COL19A1: variants seen among roughly 807,000 people sequenced by gnomAD.
The protein encoded by COL19A1 is collagen alpha-1(XIX) chain.
In COL19A1, 159 loss-of-function variants were observed where a neutral mutation model predicts 190.2. The observed-to-expected ratio is 0.84, with a 90% CI of 0.73 to 0.95. The LOEUF is 0.95. Ranked by LOEUF, COL19A1 falls within the 40% of genes least tolerant of loss-of-function variation. COL19A1 has a pLI of 0.00. For synonymous variants in COL19A1, 509 were observed against 458.9 expected (o/e 1.11, Z -1.39); for missense variants, 1,418 against 1,431.9 (o/e 0.99, Z 0.16).
At chr6:70,176,232 G>C (rs1299798948) in intron 41 of COL19A1, among the ~76,000 whole-genome samples, 1 of 152,128 alleles carries the variant, frequency 6.6e-6, no homozygotes, top group African/African-American at 2.4e-5. Flanking sequence ...AAGTATGTAA[G>C]GGGACATTAA....
chr6:69,898,789 C>T (rs1769962669), intron 2 of COL19A1, among the ~76,000 whole-genome samples, 159 bp from the exon 3 acceptor site: 3 of 152,196 alleles, frequency 2.0e-5, no homozygotes, highest in South Asian at 4.1e-4. Flanking sequence ...ATGTAACCCT[C>T]ACAAAAACAC....
At chr6:69,895,237 T>C (rs984866613) in intron 2 of COL19A1, among the ~76,000 whole-genome samples, 13 of 152,064 alleles carry the variant, frequency 8.5e-5, no homozygotes, top group Non-Finnish European at 1.5e-4. Flanking sequence ...AAAAAGGCCA[T>C]GAAAAGTCTC....
chr6:70,163,512 T>C, intron 36 of COL19A1, 116 bp downstream of exon 36: 2 of 888,888 alleles, frequency 2.3e-6, no homozygotes, highest in Non-Finnish European at 1.7e-6. Flanking sequence ...GAAATGATGG[T>C]AGAAAGTACC....
At chr6:70,146,633 AT>A in intron 25 of COL19A1, 25 bp from the exon 26 acceptor site, 1 of 1,580,102 alleles carries the variant, frequency 6.3e-7, no homozygotes, top group South Asian at 1.1e-5. Context: ...AGAAGAAGAT[AT>A]GTATTCATAC....
intron 11 of COL19A1, among the ~76,000 whole-genome samples, chr6:70,001,469 A>G (rs780586965): frequency 1.3e-5 from 2 of 152,118 alleles, no homozygotes; most frequent in Non-Finnish European, 2.9e-5. Flanking sequence ...CAGTATGGCC[A>G]TTTTCACGAT....
chr6:69,910,635 G>C (rs1770850414), intron 4 of COL19A1, among the ~76,000 whole-genome samples: 2 of 152,146 alleles, frequency 1.3e-5, no homozygotes, highest in African/African-American at 2.4e-5. Flanking sequence ...ACTTGGGCCA[G>C]TCTAATAGGC....
intron 15 of COL19A1, among the ~76,000 whole-genome samples, chr6:70,093,635 T>C (rs1783063503): frequency 6.6e-6 from 1 of 152,120 alleles, no homozygotes. Context: ...TTACAAAATC[T>C]GACTTGGTAG....
rs138667214 is a variant in COL19A1 at position 70,006,581 on chromosome 6, C to T, written c.1027-17046C>T. Among the ~76,000 whole-genome samples the T allele has an allele frequency of 4.7e-3, 713 of 152,202 alleles. 8 individuals are homozygous for T. Among genetic ancestry groups the T allele is most frequent in the African/African-American group, 0.016 (670 of 41,534 alleles). On this transcript the variant is annotated intron_variant, in intron 11 of 50. Coordinates refer to ENST00000620364, the MANE Select transcript of COL19A1 (RefSeq NM_001858.6). Reference sequence around the variant, plus strand: ...GCCTCTGATTGCCGTTGTTTCTAGTCGGCCATCTTGGCCCCATCCAAATTT... The same window carrying T: ...GCCTCTGATTGCCGTTGTTTCTAGTTGGCCATCTTGGCCCCATCCAAATTT...
chr6:69,887,983 C>T (rs929042149), intron 2 of COL19A1, among the ~76,000 whole-genome samples: 1 of 152,122 alleles, frequency 6.6e-6, no homozygotes, highest in African/African-American at 2.4e-5. Context: ...CTCATTCCTC[C>T]CTCTAAAGAA....
At chr6:69,911,861 C>G (rs1017031110) in intron 4 of COL19A1, among the ~76,000 whole-genome samples, 1 of 152,152 alleles carries the variant, frequency 6.6e-6, no homozygotes, top group Admixed American at 6.5e-5. Context: ...TTAATCCTTC[C>G]CTATTACAGA....
At chr6:70,112,350 G>A (rs1399713459) in intron 16 of COL19A1, among the ~76,000 whole-genome samples, 4 of 152,130 alleles carry the variant, frequency 2.6e-5, no homozygotes, top group African/African-American at 7.2e-5. Context: ...ATCTGTGGGT[G>A]GCAAGGCACT....
At chr6:70,184,546 G>A (rs970681099) in intron 44 of COL19A1, among the ~76,000 whole-genome samples, 157 bp from the exon 45 acceptor site, 1 of 152,172 alleles carries the variant, frequency 6.6e-6, no homozygotes, top group Admixed American at 6.5e-5. Flanking sequence ...ACTCAGGACT[G>A]TCAGATTCTA....
chr6:69,951,508 AT>A (rs1271026475), intron 9 of COL19A1, among the ~76,000 whole-genome samples: 1 of 151,906 alleles, frequency 6.6e-6, no homozygotes, highest in African/African-American at 2.4e-5. Flanking sequence ...ACTTGGGGGA[AT>A]TTATATTAGT....
At chr6:70,098,612 G>T in intron 15 of COL19A1, 1 of 404,212 alleles carries the variant, frequency 2.5e-6, no homozygotes. Flanking sequence ...GCAGGCCTTA[G>T]AGCCACAGTG....
chr6:70,199,579 AT>A, intron 48 of COL19A1, 28 bp from the exon 49 acceptor site: 1 of 1,419,400 alleles, frequency 7.0e-7, no homozygotes. Flanking sequence ...CTGTTCTATG[AT>A]ATATTATTTT....
chr6:70,202,766 C>A (rs1472999850), intron 49 of COL19A1, among the ~76,000 whole-genome samples: 2 of 152,190 alleles, frequency 1.3e-5, no homozygotes, highest in South Asian at 2.1e-4. Flanking sequence ...AGCACCCTGA[C>A]CTTCTTAAAG....
At chr6:69,952,767 G>A (rs1410397264) in intron 9 of COL19A1, among the ~76,000 whole-genome samples, 1 of 151,974 alleles carries the variant, frequency 6.6e-6, no homozygotes, top group Non-Finnish European at 1.5e-5. Context: ...AAATGACTAT[G>A]ATCTTTGAAT....
chr6:70,046,149 T>G (rs1779902687), intron 14 of COL19A1, among the ~76,000 whole-genome samples: 1 of 152,330 alleles, frequency 6.6e-6, no homozygotes, highest in Admixed American at 6.5e-5. Context: ...TCTTTACTTA[T>G]TCTATTGACC....
At chr6:70,109,252 G>GGA (rs1784144300) in intron 16 of COL19A1, among the ~76,000 whole-genome samples, 1 of 152,114 alleles carries the variant, frequency 6.6e-6, no homozygotes, top group African/African-American at 2.4e-5. Flanking sequence ...GGTGGTCCAG[G>GGA]GAGGTGTCTC....
Sources: gnomAD v4.1 joint callset for allele counts (sites outside exome capture counted in the v4.1 genomes callset) on GRCh38, gnomAD v4.1.1 for gene constraint, MANE v1.5 for transcripts, NCBI Gene and HGNC (gene_info 2026-07-23, HGNC 2026-07-21) for gene names.